NLGN1: variants seen among roughly 807,000 people sequenced by gnomAD.
The protein encoded by NLGN1 is neuroligin-1.
A neutral mutation model predicts 65.5 loss-of-function variants in NLGN1; 12 were observed. The ratio of observed to expected loss-of-function variants is 0.18; its 90% CI spans 0.12 to 0.30. NLGN1 has a LOEUF of 0.30. NLGN1 is among the 10% of genes least tolerant of loss of function. The probability of loss-of-function intolerance (pLI) is 1.00; values close to 1 mark genes in which losing one functional copy is unlikely to be tolerated. For synonymous variants in NLGN1, 350 were observed against 359.5 expected (o/e 0.97, Z 0.30); for missense variants, 750 against 1,007.1 (o/e 0.74, Z 3.46).
chr3:173,581,061 T>C (rs915996164), intron 2 of NLGN1, among the ~76,000 whole-genome samples: 4 of 152,038 alleles, frequency 2.6e-5, no homozygotes, highest in African/African-American at 4.8e-5. Context: ...TCAAAGGAAA[T>C]TAAATTGGCA....
intron 2 of NLGN1, among the ~76,000 whole-genome samples, chr3:173,477,786 G>A (rs923104901): frequency 1.3e-5 from 2 of 152,118 alleles, no homozygotes; most frequent in African/African-American, 2.4e-5. Context: ...TTTGAGAAGT[G>A]TCTGTTCATG....
intron 2 of NLGN1, among the ~76,000 whole-genome samples, chr3:173,598,527 T>TC (rs1486628974): frequency 2.6e-5 from 4 of 152,148 alleles, no homozygotes; most frequent in Non-Finnish European, 5.9e-5. Context: ...GATAATACTT[T>TC]CCTTCTGCTA....
intron 3 of NLGN1, among the ~76,000 whole-genome samples, chr3:173,616,965 C>T (rs962498017): frequency 1.3e-4 from 20 of 152,100 alleles, no homozygotes; most frequent in African/African-American, 3.9e-4. Context: ...TCTTGTCTGC[C>T]GTTTCAATCT....
intron 4 of NLGN1, among the ~76,000 whole-genome samples, chr3:174,250,872 G>A (rs1381825481): frequency 6.6e-6 from 1 of 152,040 alleles, no homozygotes; most frequent in Non-Finnish European, 1.5e-5. Flanking sequence ...GGCAGAATCT[G>A]ACATGCTATT....
chr3:173,509,633 A>G (rs1560359649), intron 2 of NLGN1, among the ~76,000 whole-genome samples: 1 of 152,144 alleles, frequency 6.6e-6, no homozygotes, highest in Non-Finnish European at 1.5e-5. Context: ...AAATAAATGA[A>G]TAAATTATAA....
rs63066860 is a variant in NLGN1, at chr3:173,494,122, AGTGTGT to A, written c.-321+59066_-321+59071del. On this transcript the variant is annotated intron_variant, in intron 2 of 6. Transcript: ENST00000457714. Reference sequence around the variant, plus strand: ...TTGTCAATATTTAGTGTTATAGGTGAGTGTGTGTGTGTGTGTGTGTGTGTGTGCGCG... The same window carrying A: ...TTGTCAATATTTAGTGTTATAGGTGAGTGTGTGTGTGTGTGTGTGTGCGCG... Among the ~76,000 whole-genome samples, 821 of 147,940 alleles carry A rather than the reference AGTGTGT, an allele frequency of 5.5e-3. 16 individuals are homozygous for A. The highest frequency in any genetic ancestry group is 0.018 in the African/African-American group (730 of 39,638).
intron 4 of NLGN1, among the ~76,000 whole-genome samples, chr3:174,199,222 A>G (rs1262654786): frequency 1.3e-5 from 2 of 152,110 alleles, no homozygotes; most frequent in Non-Finnish European, 2.9e-5. Flanking sequence ...AGAGTATGCA[A>G]TGCTTTGACA....
intron 2 of NLGN1, among the ~76,000 whole-genome samples, chr3:173,562,704 A>T (rs959407252): frequency 6.6e-6 from 1 of 152,104 alleles, no homozygotes; most frequent in Admixed American, 6.5e-5. Flanking sequence ...GATATTCCTC[A>T]TCTCGACATT....
intron 3 of NLGN1, among the ~76,000 whole-genome samples, chr3:173,741,240 A>G (rs1774590500): frequency 1.3e-5 from 2 of 152,108 alleles, no homozygotes; most frequent in Admixed American, 6.6e-5. Flanking sequence ...GTTGCCTAGC[A>G]TGGCATCTGG....
intron 4 of NLGN1, among the ~76,000 whole-genome samples, chr3:174,124,742 A>G (rs1718582636): frequency 6.6e-6 from 1 of 150,782 alleles, no homozygotes; most frequent in Non-Finnish European, 1.5e-5. Flanking sequence ...ATATACATAT[A>G]TTACACACGT....
At chr3:173,595,334 CA>C (rs1749279030) in intron 2 of NLGN1, among the ~76,000 whole-genome samples, 2 of 152,108 alleles carry the variant, frequency 1.3e-5, no homozygotes, top group Admixed American at 1.3e-4. Flanking sequence ...CACACATCTC[CA>C]GGGCAGAAGC....
intron 2 of NLGN1, among the ~76,000 whole-genome samples, chr3:173,539,813 TAC>T (rs1431315990): frequency 7.0e-6 from 1 of 143,172 alleles, no homozygotes; most frequent in East Asian, 2.0e-4. Flanking sequence ...TATACATATA[TAC>T]ATATGTTATA....
chr3:173,690,255 G>GTT (rs995611179), intron 3 of NLGN1, among the ~76,000 whole-genome samples: 1 of 152,150 alleles, frequency 6.6e-6, no homozygotes, highest in Non-Finnish European at 1.5e-5. Flanking sequence ...CTACTCAAGT[G>GTT]AAGAGGACTG....
Position 173,843,711 on chromosome 3 carries a change from T to G in NLGN1, c.646+35879T>G, listed in dbSNP as rs534815955. On this transcript the variant is annotated intron_variant, in intron 4 of 6. Transcript: ENST00000457714. ...GCCTGGACTTTATTGACCATATTAC[T>G]ATCAGCATTGTGGGCAAAGCCATTC... Among the ~76,000 whole-genome samples, 151 of 152,296 alleles carry G rather than the reference T, an allele frequency of 9.9e-4. 1 individual carries two copies. Among genetic ancestry groups the G allele is most frequent in the African/African-American group, 3.3e-3 (139 of 41,574 alleles).
At chr3:173,588,590 G>T (rs751749919) in intron 2 of NLGN1, among the ~76,000 whole-genome samples, 5 of 152,248 alleles carry the variant, frequency 3.3e-5, no homozygotes, top group Middle Eastern at 3.4e-3. Context: ...ACTTTTGGGG[G>T]ATTTTTATAT....
chr3:174,110,089 T>C (rs1366069790), intron 4 of NLGN1, among the ~76,000 whole-genome samples: 1 of 152,088 alleles, frequency 6.6e-6, no homozygotes, highest in Non-Finnish European at 1.5e-5. Context: ...ACTTGATTTG[T>C]CATTTTTAGA....
intron 4 of NLGN1, among the ~76,000 whole-genome samples, chr3:173,993,163 G>T (rs1033332724): frequency 6.6e-6 from 1 of 152,074 alleles, no homozygotes; most frequent in Non-Finnish European, 1.5e-5. Context: ...GTTATGCGTG[G>T]TCTATACACA....
At chr3:173,922,444 C>T (rs1177960564) in intron 4 of NLGN1, among the ~76,000 whole-genome samples, 1 of 152,010 alleles carries the variant, frequency 6.6e-6, no homozygotes, top group Non-Finnish European at 1.5e-5. Flanking sequence ...AGCTGTTTCT[C>T]ATCATGCATC....
At chr3:174,010,841 A>G (rs1725388963) in intron 4 of NLGN1, among the ~76,000 whole-genome samples, 1 of 152,180 alleles carries the variant, frequency 6.6e-6, no homozygotes, top group South Asian at 2.1e-4. Context: ...AGAAAAATTA[A>G]TATCATGTCT....
Sources: gnomAD v4.1 joint callset for allele counts (sites outside exome capture counted in the v4.1 genomes callset) on GRCh38, gnomAD v4.1.1 for gene constraint, MANE v1.5 for transcripts, NCBI Gene and HGNC (gene_info 2026-07-23, HGNC 2026-07-21) for gene names.